Variants in PDE10A observed in about 807,000 individuals in gnomAD.
PDE10A encodes phosphodiesterase 10A.
In PDE10A, 39 loss-of-function variants were observed where a neutral mutation model predicts 97.7. The ratio of observed to expected loss-of-function variants is 0.40; its 90% CI spans 0.31 to 0.52. The LOEUF (loss-of-function observed/expected upper bound fraction) is 0.52, where lower values mean the gene tolerates loss of function less well. Ranked by LOEUF, PDE10A falls within the 20% of genes least tolerant of loss-of-function variation. The pLI is 0.56. For synonymous variants in PDE10A, 371 were observed against 376.8 expected (o/e 0.98, Z 0.18); for missense variants, 731 against 1,047.8 (o/e 0.70, Z 4.17).
chr6:165,870,363 T>G (rs541060252), intron 1 of PDE10A, among the ~76,000 whole-genome samples: 24 of 152,288 alleles, frequency 1.6e-4, no homozygotes, highest in African/African-American at 5.5e-4. Flanking sequence ...TCAAGATCAC[T>G]AATCATTGTG....
intron 1 of PDE10A, among the ~76,000 whole-genome samples, chr6:165,573,908 T>G (rs899815536): frequency 1.1e-4 from 17 of 152,204 alleles, no homozygotes; most frequent in Non-Finnish European, 4.4e-5. Context: ...GCCGGCCCAG[T>G]AGGGACCCCT....
intron 1 of PDE10A, among the ~76,000 whole-genome samples, chr6:165,747,941 A>G (rs1792879245): frequency 6.6e-6 from 1 of 152,222 alleles, no homozygotes; most frequent in South Asian, 2.1e-4. Context: ...GGTGGAGGAC[A>G]TTTCTCTAAA....
At chr6:165,371,238 A>T (rs1488081897) in intron 18 of PDE10A, among the ~76,000 whole-genome samples, 10 of 152,116 alleles carry the variant, frequency 6.6e-5, no homozygotes, top group East Asian at 1.9e-4. Context: ...TCAGAGCAGA[A>T]CTGAAGGAAA....
chr6:165,946,086 C>T (rs534603720), intron 1 of PDE10A, among the ~76,000 whole-genome samples: 1 of 151,996 alleles, frequency 6.6e-6, no homozygotes, highest in Admixed American at 6.5e-5. Context: ...AAATCATTGC[C>T]TAGACCAATG....
rs904812624 is a variant in PDE10A at position 165,663,018 on chromosome 6, G to A, written c.-207C>T. On this transcript the variant is annotated 5_prime_UTR_variant, in exon 1 of 22. Transcript: ENST00000539869. ...GGGTTGCGGGAGGACCCGGGCCTGG[G>A]GGCCAGGCCCCGGCGACGGCGCCTG... is the stretch of plus-strand genomic sequence containing the variant. Among the ~76,000 whole-genome samples the A allele has an allele frequency of 6.6e-6, 1 of 151,572 alleles. No individual in the cohort carries two copies. Among genetic ancestry groups the A allele is most frequent in the Non-Finnish European group, 1.5e-5 (1 of 67,812 alleles).
intron 3 of PDE10A, among the ~76,000 whole-genome samples, chr6:165,469,714 T>C (rs1265527730): frequency 2.0e-5 from 3 of 152,198 alleles, no homozygotes. Context: ...TCTTTGATTT[T>C]CAAAATCCAA....
intron 1 of PDE10A, among the ~76,000 whole-genome samples, chr6:165,876,271 T>C (rs1395723240): frequency 6.6e-6 from 1 of 152,154 alleles, no homozygotes; most frequent in Admixed American, 6.5e-5. Context: ...CAGCCTGTGG[T>C]AAACTCATCA....
intron 1 of PDE10A, among the ~76,000 whole-genome samples, chr6:165,911,622 G>A (rs960924815): frequency 5.9e-5 from 9 of 152,192 alleles, no homozygotes; most frequent in East Asian, 5.8e-4. Context: ...CCTTCAACAT[G>A]AGGCTTTGCC....
At position 165,399,705 on chromosome 6, in the gene PDE10A, G is replaced by A. The variant is rs146551802; in HGVS notation, c.2077-3246C>T. Among the ~76,000 whole-genome samples the A allele has an allele frequency of 1.4e-3, 209 of 152,000 alleles. 2 individuals carry two copies. The highest frequency in any genetic ancestry group is 1.9e-3 in the Non-Finnish European group (127 of 67,974). Reference sequence around the variant, plus strand: ...GTTTTCTGTCCTTGCGATAGTTTGCGGAGAATGATGGTTTCCAGCTTCATC... The same window carrying A: ...GTTTTCTGTCCTTGCGATAGTTTGCAGAGAATGATGGTTTCCAGCTTCATC... On this transcript the variant is annotated intron_variant, in intron 13 of 21. Transcript: ENST00000539869.
chr6:165,632,910 C>T (rs578133566), intron 1 of PDE10A, among the ~76,000 whole-genome samples: 1 of 152,024 alleles, frequency 6.6e-6, no homozygotes, highest in Non-Finnish European at 1.5e-5. Flanking sequence ...AAGATGGGAT[C>T]CCAGTTCTAG....
intron 1 of PDE10A, among the ~76,000 whole-genome samples, chr6:165,950,193 T>C (rs13210201): frequency 0.093 from 14,219 of 152,230 alleles, 744 homozygotes; most frequent in South Asian, 0.13. Flanking sequence ...AAATTGAATA[T>C]ATCCTGTGAC....
In PDE10A at chr6:165,968,458, T is replaced by C. The variant is rs115544769; in HGVS notation, c.-615+19071A>G. 1.5e-3 allele frequency among the ~76,000 whole-genome samples: 228 copies of C among 152,282 alleles called. 1 individual carries two copies. Among genetic ancestry groups the C allele is most frequent in the African/African-American group, 4.9e-3 (202 of 41,552 alleles). ...TCACAATGGGGGTCTCTTACCTACA[T>C]AGATTTCTAGAAAATGGGCCAAACA... On this transcript the variant is annotated intron_variant, in intron 1 of 19. Transcript: ENST00000366882.
rs116756793 is a variant in PDE10A at position 165,882,927 on chromosome 6, A to G, written c.-615+104602T>C. Among the ~76,000 whole-genome samples, 327 of 152,264 alleles carry G rather than the reference A, an allele frequency of 2.1e-3. 2 individuals carry two copies. Among genetic ancestry groups the G allele is most frequent in the African/African-American group, 7.6e-3 (314 of 41,556 alleles). On this transcript the variant is annotated intron_variant, in intron 1 of 19. Transcript: ENST00000366882. ...CAGAAGAAAAGAAAACTCACCTATC[A>G]CAATTAGAAATTAAAAGAAGGATTT...
chr6:165,972,093 C>G (rs1333931300), intron 1 of PDE10A, among the ~76,000 whole-genome samples: 1 of 152,094 alleles, frequency 6.6e-6, no homozygotes, highest in Non-Finnish European at 1.5e-5. Context: ...CTGAAAGAAT[C>G]TCACTTAAAG....
intron 1 of PDE10A, among the ~76,000 whole-genome samples, chr6:165,881,128 G>A (rs184308330): frequency 2.8e-4 from 43 of 152,210 alleles, no homozygotes; most frequent in South Asian, 2.7e-3. Context: ...GTAAGAAGTT[G>A]AAATGGCTTC....
intron 2 of PDE10A, among the ~76,000 whole-genome samples, chr6:165,529,292 C>A (rs1299903072): frequency 6.6e-6 from 1 of 152,136 alleles, no homozygotes; most frequent in East Asian, 1.9e-4. Context: ...TACAGGAGAT[C>A]CGTTAGGGCA....
At chr6:165,347,860 AG>A (rs1288496875) in intron 18 of PDE10A, among the ~76,000 whole-genome samples, 1 of 152,246 alleles carries the variant, frequency 6.6e-6, no homozygotes, top group Non-Finnish European at 1.5e-5. Flanking sequence ...TATAAAAAAC[AG>A]GTAACACATC....
intron 3 of PDE10A, among the ~76,000 whole-genome samples, chr6:165,456,637 T>C (rs1777969790): frequency 6.6e-6 from 1 of 152,238 alleles, no homozygotes; most frequent in African/African-American, 2.4e-5. Context: ...GGCTTTAGTT[T>C]TCTCATTTGT....
intron 3 of PDE10A, among the ~76,000 whole-genome samples, chr6:165,479,833 A>G (rs1362522643): frequency 6.6e-6 from 1 of 152,228 alleles, no homozygotes; most frequent in East Asian, 1.9e-4. Context: ...AGGAAAATAG[A>G]GAAAAGGGAA....
Sources: gnomAD v4.1 joint callset for allele counts (sites outside exome capture counted in the v4.1 genomes callset) on GRCh38, gnomAD v4.1.1 for gene constraint, MANE v1.5 for transcripts, NCBI Gene and HGNC (gene_info 2026-07-23, HGNC 2026-07-21) for gene names.